The following EPB41L2 variants were observed in gnomAD, a reference collection of about 807,000 sequenced individuals.
EPB41L2 encodes the protein band 4.1-like protein 2.
A neutral mutation model predicts 113.0 loss-of-function variants in EPB41L2; 43 were observed. The observed-to-expected ratio is 0.38, with a 90% CI of 0.30 to 0.49. EPB41L2 has a LOEUF of 0.49. Ranked by LOEUF, EPB41L2 falls within the 20% of genes least tolerant of loss-of-function variation. The pLI, the probability that EPB41L2 is intolerant of heterozygous loss-of-function variation, is 0.95. For synonymous variants in EPB41L2, 442 were observed against 436.7 expected, an observed-to-expected ratio of 1.01 and a Z score of -0.15; for missense variants, 1,147 against 1,223.4, an observed-to-expected ratio of 0.94 and a Z score of 0.93.
intron 19 of EPB41L2, among the ~76,000 whole-genome samples, chr6:130,852,665 G>T (rs1779109653): frequency 6.6e-6 from 1 of 152,134 alleles, no homozygotes; most frequent in African/African-American, 2.4e-5. Context: ...CACAAAGAAG[G>T]TAAGTTACAT....
intron 12 of EPB41L2, among the ~76,000 whole-genome samples, chr6:130,884,464 T>A (rs1430310796): frequency 6.6e-6 from 1 of 152,168 alleles, no homozygotes; most frequent in Non-Finnish European, 1.5e-5. Flanking sequence ...AGAAAAGAGA[T>A]CTGAAGAATT....
chr6:130,890,257 G>A (rs1275568026), intron 11 of EPB41L2, 37 bp downstream of exon 11: 2 of 1,582,110 alleles, frequency 1.3e-6, no homozygotes, highest in Admixed American at 3.5e-5. Flanking sequence ...ATTAGAGAAA[G>A]ATGAATGAAA....
In EPB41L2 at chr6:130,901,041, C is replaced by G. The variant is rs146731749; in HGVS notation, c.1069G>C (p.Asp357His). The G allele has an allele frequency of 1.2e-6, 2 of 1,613,998 alleles. No individual in the cohort carries two copies. Among genetic ancestry groups the G allele is most frequent in the Non-Finnish European group, 1.7e-6 (2 of 1,180,020 alleles). The part of the protein sequence containing the change: ...DYDPEEHGSI[D>H]LSEFQFAPTQ... ...GGGGCAAACTGGAATTCACTGAGGT[C>G]GATGCTGCCATGTTCTTCTGGGTCA... Residue 357 changes from aspartate to histidine, a missense_variant, in exon 7 of 20, where the codon GAC becomes CAC. Transcript: ENST00000337057.
At chr6:130,908,967 G>T (rs1290142260) in intron 4 of EPB41L2, 104 bp from the exon 5 acceptor site, 20 of 937,162 alleles carry the variant, frequency 2.1e-5, no homozygotes, top group Non-Finnish European at 1.1e-5. Context: ...TTTTAATAAA[G>T]TATTATTCAA....
intron 4 of EPB41L2, among the ~76,000 whole-genome samples, chr6:130,920,761 G>A (rs1299617665): frequency 6.6e-6 from 1 of 151,896 alleles, no homozygotes; most frequent in Non-Finnish European, 1.5e-5. Context: ...CCTCCCGCCT[G>A]GGCCTCTTAA....
intron 18 of EPB41L2, among the ~76,000 whole-genome samples, chr6:130,860,146 G>A (rs1781576227): frequency 1.3e-5 from 2 of 152,206 alleles, no homozygotes; most frequent in Non-Finnish European, 2.9e-5. Context: ...CTACATGTTG[G>A]TTTGTGCAGT....
chr6:131,017,293 T>C (rs1426514980), intron 1 of EPB41L2, among the ~76,000 whole-genome samples: 1 of 152,166 alleles, frequency 6.6e-6, no homozygotes, highest in Non-Finnish European at 1.5e-5. Context: ...TAAAACCTTG[T>C]TGGGAATAAA....
intron 5 of EPB41L2, among the ~76,000 whole-genome samples, chr6:130,907,489 A>G (rs918400637): frequency 1.3e-5 from 2 of 152,232 alleles, no homozygotes; most frequent in Non-Finnish European, 2.9e-5. Flanking sequence ...CAACCATTCC[A>G]GCCTGCCTGG....
rs573716812 is a variant in EPB41L2 at position 130,936,085 on chromosome 6, G to A, written c.706-9376C>T. On this transcript the variant is annotated intron_variant, in intron 3 of 19. Coordinates refer to ENST00000337057, the MANE Select transcript of EPB41L2 (RefSeq NM_001431.4). ...CACCTCTGTCAGTTCTAGTATGTCAGTTGCTCAGCCATTCATAAAATACAG... is the reference window on the plus strand; with the variant it reads ...CACCTCTGTCAGTTCTAGTATGTCAATTGCTCAGCCATTCATAAAATACAG... 4.6e-5 allele frequency among the ~76,000 whole-genome samples: 7 copies of A among 152,314 alleles called. No individual in the cohort carries two copies. In the South Asian group the frequency reaches 1.4e-3, roughly 32 times the overall value.
chr6:130,964,643 T>C lies in EPB41L2; in HGVS notation c.-14-8144A>G, dbSNP rs1562608789. On this transcript the variant is annotated intron_variant, in intron 1 of 19. Coordinates refer to ENST00000337057, the MANE Select transcript of EPB41L2 (RefSeq NM_001431.4). ...AGAGATTCTGCCAAGAAAATAACTA[T>C]ATTTGTTTACTAAAATAATAATAAT... Among the ~76,000 whole-genome samples, 3 of 152,104 alleles carry C rather than the reference T, an allele frequency of 2.0e-5. No homozygotes were observed. The South Asian group carries it at 6.2e-4, about 31-fold the overall frequency.
intron 15 of EPB41L2, chr6:130,868,813 T>G (rs1289206264): frequency 6.6e-6 from 1 of 152,226 alleles, no homozygotes; most frequent in Non-Finnish European, 1.5e-5. Flanking sequence ...AGAAAAAGAT[T>G]CATGTCCAAT....
chr6:131,010,723 C>A (rs566512833), intron 1 of EPB41L2, among the ~76,000 whole-genome samples: 2 of 152,226 alleles, frequency 1.3e-5, no homozygotes, highest in South Asian at 4.2e-4. Context: ...AGAATTAAAT[C>A]ATCAATTTTT....
At chr6:130,843,795 A>C (rs1776217794) in intron 19 of EPB41L2, among the ~76,000 whole-genome samples, 1 of 152,194 alleles carries the variant, frequency 6.6e-6, no homozygotes, top group Non-Finnish European at 1.5e-5. Context: ...AATTTCATCT[A>C]ATCACAGGAG....
chr6:131,024,176 A>G (rs1163007305), intron 1 of EPB41L2, among the ~76,000 whole-genome samples: 1 of 152,096 alleles, frequency 6.6e-6, no homozygotes, highest in Non-Finnish European at 1.5e-5. Context: ...TTTTTTAACT[A>G]AACTCTGAAG....
intron 1 of EPB41L2, among the ~76,000 whole-genome samples, chr6:131,051,992 A>G (rs1796663631): frequency 6.7e-6 from 1 of 148,776 alleles, no homozygotes; most frequent in Non-Finnish European, 1.5e-5. Flanking sequence ...GCTGGAGTGC[A>G]GTGGCATGAT....
intron 19 of EPB41L2, among the ~76,000 whole-genome samples, chr6:130,842,946 CA>C (rs1279160545): frequency 1.3e-5 from 2 of 152,086 alleles, no homozygotes; most frequent in African/African-American, 2.4e-5. Flanking sequence ...CTTTCAGAAT[CA>C]TTTTATTGCC....
intron 1 of EPB41L2, among the ~76,000 whole-genome samples, chr6:130,974,815 T>C (rs1777820880): frequency 7.4e-6 from 1 of 134,450 alleles, no homozygotes; most frequent in Non-Finnish European, 1.5e-5. Flanking sequence ...AACCTCTGCC[T>C]CCCAGGTTCA....
intron 1 of EPB41L2, among the ~76,000 whole-genome samples, chr6:130,980,338 C>T (rs990131442): frequency 1.3e-5 from 2 of 151,490 alleles, no homozygotes; most frequent in Non-Finnish European, 2.9e-5. Flanking sequence ...TGCAGTCTTT[C>T]GGTGGGAGAG....
intron 1 of EPB41L2, among the ~76,000 whole-genome samples, chr6:130,996,068 G>T (rs1202776968): frequency 6.6e-6 from 1 of 152,136 alleles, no homozygotes; most frequent in East Asian, 1.9e-4. Flanking sequence ...CTCTTCTTTG[G>T]AGAGGGACTG....
Sources: gnomAD v4.1 joint callset for allele counts (sites outside exome capture counted in the v4.1 genomes callset) on GRCh38, gnomAD v4.1.1 for gene constraint, MANE v1.5 for transcripts, NCBI Gene and HGNC (gene_info 2026-07-23, HGNC 2026-07-21) for gene names.